Variants in ATF7IP observed in about 807,000 individuals in gnomAD.
ATF7IP encodes activating transcription factor 7 interacting protein.
In ATF7IP, 23 loss-of-function variants were observed where a neutral mutation model predicts 106.4. The ratio of observed to expected loss-of-function variants is 0.22; its 90% CI spans 0.16 to 0.31. ATF7IP has a LOEUF of 0.31. Among genes scored for constraint, ATF7IP ranks in the 10% least tolerant of loss-of-function variants. ATF7IP has a pLI of 1.00. For missense variants in ATF7IP, 1,334 were observed against 1,524.3 expected (o/e 0.88, Z 2.08); for synonymous variants, 542 against 539.0 (o/e 1.01, Z -0.08).
At chr12:14,447,578 G>A (rs1160651065) in intron 6 of ATF7IP, among the ~76,000 whole-genome samples, 1 of 152,000 alleles carries the variant, frequency 6.6e-6, no homozygotes, top group Admixed American at 6.6e-5. Context: ...ATTGTGACTG[G>A]CCCCTTAGGT....
chr12:14,460,982 A>G lies in ATF7IP; in HGVS notation c.2646A>G (p.Val882=). ...VQAVPTAHSI[V]QATRTSLPTV... ...CTGTTCCAACAGCACACTCTATTGT[A>G]CAAGCCACAAGGACTTCTTTACCCA... Residue 882 remains valine (V), a synonymous_variant, in exon 9 of 15, where the codon GTA becomes GTG. Coordinates refer to ENST00000261168, the MANE Select transcript of ATF7IP (RefSeq NM_018179.5). The G allele has an allele frequency of 6.2e-7, 1 of 1,614,108 alleles. No homozygotes were observed. Among genetic ancestry groups the G allele is most frequent in the Non-Finnish European group, 8.5e-7 (1 of 1,179,998 alleles).
intron 13 of ATF7IP, among the ~76,000 whole-genome samples, chr12:14,493,468 C>T (rs1053207292): frequency 1.3e-5 from 2 of 152,144 alleles, no homozygotes; most frequent in African/African-American, 4.8e-5. Context: ...TCAGGGGAAG[C>T]CATCACTCTT....
intron 10 of ATF7IP, among the ~76,000 whole-genome samples, chr12:14,475,425 T>C (rs781554210): frequency 6.6e-6 from 1 of 152,214 alleles, no homozygotes; most frequent in Non-Finnish European, 1.5e-5. Context: ...GATGTGCAGT[T>C]AATAGCATAG....
chr12:14,496,324 GACC>G lies in ATF7IP; in HGVS notation c.3380_3382del (p.Pro1127del). 1.9e-6 allele frequency: 3 copies of G among 1,612,998 alleles called. No individual in the cohort carries two copies. On this transcript the variant is annotated inframe_deletion, in exon 14 of 15. Coordinates refer to ENST00000261168, the MANE Select transcript of ATF7IP (RefSeq NM_018179.5). The stretch of plus-strand genomic sequence containing the variant: ...GGACCTCAGCTCACAGTGCATCACC[GACC>G]ACCACAAGTGCATACTGTAAGTGTT...
intron 2 of ATF7IP, among the ~76,000 whole-genome samples, chr12:14,426,652 C>T (rs1025602852): frequency 6.7e-6 from 1 of 149,178 alleles, no homozygotes; most frequent in Admixed American, 6.7e-5. Flanking sequence ...CATGGTGAGA[C>T]CCCGTCTCTA....
intron 13 of ATF7IP, among the ~76,000 whole-genome samples, chr12:14,485,049 G>A (rs1455750756): frequency 2.0e-5 from 3 of 152,082 alleles, no homozygotes; most frequent in African/African-American, 7.2e-5. Flanking sequence ...GGCCTCCACT[G>A]TGATTCATCT....
chr12:14,391,040 C>T (rs1399566552), intron 1 of ATF7IP, among the ~76,000 whole-genome samples: 1 of 152,200 alleles, frequency 6.6e-6, no homozygotes, highest in East Asian at 1.9e-4. Flanking sequence ...AACAGTGACT[C>T]CCCTGCTTTA....
chr12:14,372,334 A>T (rs1938565663), intron 1 of ATF7IP, among the ~76,000 whole-genome samples: 2 of 152,070 alleles, frequency 1.3e-5, no homozygotes, highest in Admixed American at 6.6e-5. Context: ...GAGCACTTTC[A>T]GTTAAGAATA....
intron 1 of ATF7IP, among the ~76,000 whole-genome samples, chr12:14,381,264 T>TCTCAC (rs1565471589): frequency 2.0e-5 from 3 of 152,198 alleles, no homozygotes; most frequent in African/African-American, 7.2e-5. Flanking sequence ...CAGAGTCTCA[T>TCTCAC]TCGGTCGCCT....
intron 10 of ATF7IP, among the ~76,000 whole-genome samples, chr12:14,469,362 C>CAAA (rs35509274): frequency 1.1e-5 from 1 of 88,416 alleles, no homozygotes; most frequent in African/African-American, 4.5e-5. Context: ...GAGACTGTCT[C>CAAA]AAAAAAAAAA....
chr12:14,463,030 TTATAA>T (rs1341593224), intron 9 of ATF7IP, among the ~76,000 whole-genome samples: 1 of 152,008 alleles, frequency 6.6e-6, no homozygotes, highest in Non-Finnish European at 1.5e-5. Flanking sequence ...AAATTATTAC[TTATAA>T]TATGTTATTT....
At chr12:14,469,662 C>T (rs1238818938) in intron 10 of ATF7IP, among the ~76,000 whole-genome samples, 3 of 152,024 alleles carry the variant, frequency 2.0e-5, no homozygotes, top group East Asian at 1.9e-4. Flanking sequence ...TTGAAGGACT[C>T]AAGATTCACC....
intron 12 of ATF7IP, among the ~76,000 whole-genome samples, chr12:14,479,405 A>G (rs80117033): frequency 0.023 from 3,460 of 152,240 alleles, 88 homozygotes; most frequent in African/African-American, 0.063. Flanking sequence ...TCAGAAACCA[A>G]TCAACATGGT....
At chr12:14,429,261 A>G (rs1942011328) in intron 2 of ATF7IP, among the ~76,000 whole-genome samples, 1 of 152,086 alleles carries the variant, frequency 6.6e-6, no homozygotes, top group Non-Finnish European at 1.5e-5. Context: ...CTATTCTTCC[A>G]TACTTGGATG....
chr12:14,492,012 T>C (rs1274032542), intron 13 of ATF7IP, among the ~76,000 whole-genome samples: 1 of 152,230 alleles, frequency 6.6e-6, no homozygotes, highest in African/African-American at 2.4e-5. Context: ...TTTACTACTT[T>C]TTAGAGGCAG....
intron 5 of ATF7IP, among the ~76,000 whole-genome samples, chr12:14,440,896 T>C (rs1362970276): frequency 6.6e-6 from 1 of 152,240 alleles, no homozygotes; most frequent in Non-Finnish European, 1.5e-5. Flanking sequence ...GTTTGTAGCA[T>C]GTATCAGTAC....
chr12:14,456,275 TG>T (rs1943420863), intron 6 of ATF7IP, among the ~76,000 whole-genome samples: 1 of 152,178 alleles, frequency 6.6e-6, no homozygotes, highest in African/African-American at 2.4e-5. Context: ...TGAGCCATTC[TG>T]GTGTTTTTAA....
At chr12:14,462,436 G>A (rs959001190) in intron 9 of ATF7IP, among the ~76,000 whole-genome samples, 5 of 151,882 alleles carry the variant, frequency 3.3e-5, no homozygotes, top group African/African-American at 7.2e-5. Context: ...TGTTTTATGT[G>A]ATTTTGGGTT....
intron 3 of ATF7IP, among the ~76,000 whole-genome samples, chr12:14,435,547 A>G (rs893858602): frequency 2.0e-5 from 3 of 152,210 alleles, no homozygotes; most frequent in Non-Finnish European, 2.9e-5. Flanking sequence ...CTTCTAGTCT[A>G]TATTCTTTAT....
Sources: allele counts gnomAD v4.1 joint callset (sites outside exome capture counted in the v4.1 genomes callset), GRCh38; gene constraint gnomAD v4.1.1; transcripts MANE v1.5; gene names NCBI Gene and HGNC (gene_info 2026-07-23, HGNC 2026-07-21).